Variants in TBC1D16 observed in about 807,000 individuals in gnomAD.
The protein encoded by TBC1D16 is CTD-2529O21.1.
TBC1D16 carries 58 observed loss-of-function variants against 74.7 expected under a neutral mutation model. The observed-to-expected ratio is 0.78, with a 90% confidence interval of 0.63 to 0.97. The LOEUF is 0.97. TBC1D16 is among the 50% of genes least tolerant of loss of function. The pLI, the probability that TBC1D16 is intolerant of heterozygous loss-of-function variation, is 0.00. For missense variants in TBC1D16, 1,014 were observed against 1,079.5 expected (o/e 0.94, Z 0.85); for synonymous variants, 493 against 474.7 (o/e 1.04, Z -0.50).
rs1300128873 is a variant in TBC1D16, at chr17:80,008,064, CT to C, written c.779+2095del. 1.3e-5 allele frequency among the ~76,000 whole-genome samples: 2 copies of C among 152,060 alleles called. No individual in the cohort carries two copies. Among genetic ancestry groups the C allele is most frequent in the African/African-American group, 4.8e-5 (2 of 41,410 alleles). On this transcript the variant is annotated intron_variant, in intron 3 of 11. Transcript: ENST00000310924. The surrounding 1 kb of genome is among the most constrained non-coding windows in gnomAD (Gnocchi z 4.5). Reference sequence around the variant, plus strand: ...GTCTCCTGGCATTGCCATACACCCCCTGGGCACAGACTCGGCCCCGGGTGAG... The same window carrying C: ...GTCTCCTGGCATTGCCATACACCCCCGGGCACAGACTCGGCCCCGGGTGAG...
intron 3 of TBC1D16, among the ~76,000 whole-genome samples, chr17:79,969,627 T>C (rs1363925527): frequency 6.6e-6 from 1 of 151,994 alleles, no homozygotes; most frequent in East Asian, 1.9e-4. Context: ...GTAATTCCAC[T>C]CGTAGGTAGA....
rs551752244 is a variant in TBC1D16 at position 79,981,391 on chromosome 17, C to T, written c.780-28573G>A. 2.0e-5 allele frequency among the ~76,000 whole-genome samples: 3 copies of T among 152,292 alleles called. No individual in the cohort carries two copies. The highest frequency in any genetic ancestry group is 6.5e-5 in the Admixed American group (1 of 15,302). ...CCCGGGCCCTGCTGGGAGAAGGCCT[C>T]GGGCCTCCACCTCCAGCAATCCTCT... On this transcript the variant is annotated intron_variant, in intron 3 of 11. Transcript: ENST00000310924. This position sits in a 1 kb window ranked among gnomAD's most constrained non-coding sequence, Gnocchi z 6.9.
intron 1 of TBC1D16, among the ~76,000 whole-genome samples, chr17:80,021,023 C>T (rs887328841): frequency 6.7e-6 from 1 of 149,936 alleles, no homozygotes; most frequent in Non-Finnish European, 1.5e-5. Flanking sequence ...GAGGCCAAGG[C>T]GGGTGGATCA....
chr17:79,978,964 T>C (rs377040645), intron 3 of TBC1D16, among the ~76,000 whole-genome samples: 4 of 152,252 alleles, frequency 2.6e-5, no homozygotes, highest in East Asian at 3.8e-4. Flanking sequence ...GACTTCGTCC[T>C]TGAAATACAC....
In TBC1D16 at chr17:79,984,617, G is replaced by GAAGGA. The variant is rs1225371423; in HGVS notation, c.779+25542_779+25543insTCCTT. Among the ~76,000 whole-genome samples the GAAGGA allele has an allele frequency of 5.1e-4, 47 of 92,272 alleles. 1 individual carries two copies. The highest frequency in any genetic ancestry group is 1.1e-3 in the African/African-American group (26 of 24,726). The allele number at this position is 92,272 out of a possible 152,430, so 60.5% of individuals were successfully genotyped here. On this transcript the variant is annotated intron_variant, in intron 3 of 11. Coordinates refer to ENST00000310924, the MANE Select transcript of TBC1D16 (RefSeq NM_019020.4). ...AAGAGAAAGAAAAGAGGGAGGGAGG[G>GAAGGA]AGTGAAGGAAGGAAGGAAGGAAGGA... is the stretch of plus-strand genomic sequence containing the variant.
rs1165911626 is a variant in TBC1D16, at chr17:80,009,491, T to A, written c.779+669A>T. ...ACCCACCGCAGGGCACGGGCCCAAC[T>A]CTAGCTCCTGCAAGTGTGGCCAGCA... On this transcript the variant is annotated intron_variant, in intron 3 of 11. Coordinates refer to ENST00000310924, the MANE Select transcript of TBC1D16 (RefSeq NM_019020.4). This position sits in a 1 kb window ranked among gnomAD's most constrained non-coding sequence, Gnocchi z 5.4. Among the ~76,000 whole-genome samples, 1 of 152,188 alleles carries A rather than the reference T, an allele frequency of 6.6e-6. No individual in the cohort carries two copies. Among genetic ancestry groups the A allele is most frequent in the Non-Finnish European group, 1.5e-5 (1 of 68,030 alleles).
rs1198059007 is a variant in TBC1D16 at position 79,961,628 on chromosome 17, G to A, written c.780-8810C>T. Among the ~76,000 whole-genome samples, 6 of 152,152 alleles carry A rather than the reference G, an allele frequency of 3.9e-5. No individual in the cohort carries two copies. The highest frequency in any genetic ancestry group is 5.9e-5 in the Non-Finnish European group (4 of 68,030). On this transcript the variant is annotated intron_variant, in intron 3 of 11. Coordinates refer to ENST00000310924, the MANE Select transcript of TBC1D16 (RefSeq NM_019020.4). The surrounding 1 kb of genome is among the most constrained non-coding windows in gnomAD (Gnocchi z 4.8). ...TATAATCCCAGCACTTTGGGAGGCCGAGGCTGGTGGATCACCTGAGGTCAG... is the reference window on the plus strand; with the variant it reads ...TATAATCCCAGCACTTTGGGAGGCCAAGGCTGGTGGATCACCTGAGGTCAG...
At chr17:80,002,182 C>T (rs1270968311) in intron 3 of TBC1D16, among the ~76,000 whole-genome samples, 2 of 152,216 alleles carry the variant, frequency 1.3e-5, no homozygotes, top group African/African-American at 2.4e-5. Flanking sequence ...GCCCACCAAG[C>T]GCACTGGCTC....
chr17:80,023,019 C>CTCATGG (rs1225301772), intron 1 of TBC1D16, among the ~76,000 whole-genome samples: 1 of 150,072 alleles, frequency 6.7e-6, no homozygotes, highest in Non-Finnish European at 1.5e-5. Flanking sequence ...TTTGGCCCAC[C>CTCATGG]TCATGGTCCA....
Position 79,950,371 on chromosome 17 carries a change from C to A in TBC1D16, c.1257+40G>T. The A allele has an allele frequency of 6.5e-7, 1 of 1,548,216 alleles. No individual in the cohort carries two copies. Among genetic ancestry groups the A allele is most frequent in the Non-Finnish European group, 8.7e-7 (1 of 1,149,220 alleles). On this transcript the variant is annotated intron_variant, in intron 6 of 11. Coordinates refer to ENST00000310924, the MANE Select transcript of TBC1D16 (RefSeq NM_019020.4). This position sits in a 1 kb window ranked among gnomAD's most constrained non-coding sequence, Gnocchi z 4.6. ...CTCTCGCTCGTTCCCGGTTCCCGGC[C>A]GGCTCTCCGCGGGGCCAGCTGGGCG...
chr17:79,940,866 C>T lies in TBC1D16; in HGVS notation c.2297G>A (p.Arg766His), dbSNP rs140818887. 1,117 of 1,544,056 alleles carry T rather than the reference C, an allele frequency of 7.2e-4. 5 individuals carry two copies. The African/African-American group carries it at 0.013, about 17-fold the overall frequency. Residue 766 changes from arginine (R) to histidine (H), a missense_variant, in exon 12 of 12, where the codon CGC becomes CAC. Physicochemically the swap from Arg to His is conservative, Grantham distance 29. Coordinates refer to ENST00000310924, the MANE Select transcript of TBC1D16 (RefSeq NM_019020.4). The surrounding 1 kb of genome is among the most constrained non-coding windows in gnomAD (Gnocchi z 5.4). The stretch of plus-strand genomic sequence containing the variant: ...CGGTGTCGGGGGCCCGACCTATCTG[C>T]GGAAGCCGAAGCCGTCCTGCGGCGT... ...PKTPQDGFGFRR is the reference protein window; with the variant it reads ...PKTPQDGFGFHR
At position 79,956,241 on chromosome 17, in the gene TBC1D16, A is replaced by C. The variant is rs1283311683; in HGVS notation, c.780-3423T>G. On this transcript the variant is annotated intron_variant, in intron 3 of 11. Transcript: ENST00000310924. The surrounding 1 kb of genome is among the most constrained non-coding windows in gnomAD (Gnocchi z 4.0). ...CAAACCAAAGGTCTGTGAGCAAAGA[A>C]GCGGTTTTTTGTTTGTTTGTTTGTT... 6.6e-6 allele frequency among the ~76,000 whole-genome samples: 1 copy of C among 152,120 alleles called. No homozygotes were observed. The highest frequency in any genetic ancestry group is 1.5e-5 in the Non-Finnish European group (1 of 68,012).
rs769725381 is a variant in TBC1D16 at position 79,950,447 on chromosome 17, C to T, written c.1221G>A (p.Glu407=). The change falls in exon 6 of 12, where the codon GAG becomes GAA. Residue 407 remains glutamate, a synonymous_variant. Transcript: ENST00000310924. The surrounding 1 kb of genome is among the most constrained non-coding windows in gnomAD (Gnocchi z 4.6). ...GVSAWLNHLN[E]LGQVEEEYKL... Reference sequence around the variant, plus strand: ...TGTACTCCTCCTCCACCTGGCCCAGCTCATTCAGGTGGTTGAGCCAGGCGG... The same window carrying T: ...TGTACTCCTCCTCCACCTGGCCCAGTTCATTCAGGTGGTTGAGCCAGGCGG... The T allele has an allele frequency of 6.2e-7, 1 of 1,612,980 alleles. No individual in the cohort carries two copies. Among genetic ancestry groups the T allele is most frequent in the Non-Finnish European group, 8.5e-7 (1 of 1,179,882 alleles).
intron 3 of TBC1D16, among the ~76,000 whole-genome samples, chr17:79,973,911 T>C (rs1311582025): frequency 1.3e-5 from 2 of 152,184 alleles, no homozygotes; most frequent in Admixed American, 6.5e-5. Context: ...TAAAAGTTCA[T>C]TCTTACCAGA....
At chr17:80,014,003 G>T (rs186840262) in intron 1 of TBC1D16, among the ~76,000 whole-genome samples, 2 of 146,478 alleles carry the variant, frequency 1.4e-5, no homozygotes, top group Non-Finnish European at 3.0e-5. Flanking sequence ...AAAAAAAAAC[G>T]TTTTCTTTTC....
Position 79,954,011 on chromosome 17 carries a change from C to A in TBC1D16, c.780-1193G>T, listed in dbSNP as rs1302484605. Among the ~76,000 whole-genome samples the A allele has an allele frequency of 6.6e-6, 1 of 152,166 alleles. No homozygotes were observed. The highest frequency in any genetic ancestry group is 2.4e-5 in the African/African-American group (1 of 41,432). ...TCTTGACCTCCTGACCTCAGGTGAT[C>A]CACCCGCCTCAGCCTCCAAAAGTGT... is the stretch of plus-strand genomic sequence containing the variant. On this transcript the variant is annotated intron_variant, in intron 3 of 11. Coordinates refer to ENST00000310924, the MANE Select transcript of TBC1D16 (RefSeq NM_019020.4). This position sits in a 1 kb window ranked among gnomAD's most constrained non-coding sequence, Gnocchi z 5.5.
In TBC1D16 at chr17:79,986,883, T is replaced by C. The variant is rs1413999778; in HGVS notation, c.779+23277A>G. Among the ~76,000 whole-genome samples, 1 of 152,250 alleles carries C rather than the reference T, an allele frequency of 6.6e-6. No homozygotes were observed. Among genetic ancestry groups the C allele is most frequent in the Non-Finnish European group, 1.5e-5 (1 of 68,044 alleles). The stretch of plus-strand genomic sequence containing the variant: ...GGAGGGCGTGATGCATGGGAGGAGC[T>C]GGACTGCGGTCAGCCGTCCCCTCGC... On this transcript the variant is annotated intron_variant, in intron 3 of 11. Transcript: ENST00000310924. The surrounding 1 kb of genome is among the most constrained non-coding windows in gnomAD (Gnocchi z 6.0).
chr17:79,953,738 T>C (rs553157020), intron 3 of TBC1D16, among the ~76,000 whole-genome samples: 2 of 152,372 alleles, frequency 1.3e-5, no homozygotes, highest in Non-Finnish European at 2.9e-5. Context: ...GGTTAAATCT[T>C]GTCTCTTGAG....
At chr17:80,024,017 A>C (rs1238427498) in intron 1 of TBC1D16, 2 of 147,072 alleles carry the variant, frequency 1.4e-5, no homozygotes, top group African/African-American at 5.2e-5. Context: ...CGCAGAAGGT[A>C]AGGACGCAGC....
Sources: gnomAD v4.1 joint callset for allele counts (sites outside exome capture counted in the v4.1 genomes callset) on GRCh38, gnomAD v4.1.1 for gene constraint, Gnocchi (gnomAD v3.1) non-coding constraint, MANE v1.5 for transcripts, NCBI Gene and HGNC (gene_info 2026-07-23, HGNC 2026-07-21) for gene names.